The following AATK variants were observed in gnomAD, a reference collection of about 807,000 sequenced individuals.
AATK encodes lemur tail kinase 1.
AATK carries 91 observed loss-of-function variants against 114.3 expected under a neutral mutation model. The ratio of observed to expected loss-of-function variants is 0.80; its 90% CI spans 0.67 to 0.95. The LOEUF is 0.95. Ranked by LOEUF, AATK falls within the 40% of genes least tolerant of loss-of-function variation. The pLI, the probability that AATK is intolerant of heterozygous loss-of-function variation, is 0.00. For missense variants in AATK, 2,176 were observed against 1,965.2 expected (o/e 1.11, Z -2.03); for synonymous variants, 1,075 against 916.5 (o/e 1.17, Z -3.12).
chr17:81,124,694 G>C, intron 9 of AATK, 33 bp downstream of exon 9: 1 of 1,603,252 alleles, frequency 6.2e-7, no homozygotes, highest in South Asian at 1.1e-5. Context: ...ACTCGGCCTC[G>C]GCCCCTCACG....
chr17:81,132,771 C>T, intron 2 of AATK: 1 of 231,288 alleles, frequency 4.3e-6, no homozygotes, highest in Non-Finnish European at 9.2e-6. Flanking sequence ...ACCAGGGAGC[C>T]CAGCGCAGGT....
chr17:81,138,464 C>CAG (rs1491366633), intron 1 of AATK, among the ~76,000 whole-genome samples: 2 of 135,670 alleles, frequency 1.5e-5, no homozygotes, highest in African/African-American at 2.7e-5. Flanking sequence ...TGCACACACA[C>CAG]CCACCCACAT....
chr17:81,152,913 G>T (rs560880179), intron 1 of AATK, among the ~76,000 whole-genome samples: 64 of 151,534 alleles, frequency 4.2e-4, no homozygotes, highest in African/African-American at 1.4e-3. Flanking sequence ...TGTGATCTCG[G>T]TTCACTGAAA....
At chr17:81,165,718 C>CG (rs1303286695) in intron 1 of AATK, 3 of 1,521,386 alleles carry the variant, frequency 2.0e-6, no homozygotes, top group African/African-American at 1.4e-5. Context: ...CACGACCACG[C>CG]GGGGGACGCC....
At chr17:81,127,241 G>A (rs1415389284) in intron 6 of AATK, among the ~76,000 whole-genome samples, 1 of 151,814 alleles carries the variant, frequency 6.6e-6, no homozygotes, top group Non-Finnish European at 1.5e-5. Context: ...GCCTGAGTGA[G>A]GCCGTGGAGC....
chr17:81,140,652 G>GT (rs200676945), intron 1 of AATK, among the ~76,000 whole-genome samples: 46 of 147,028 alleles, frequency 3.1e-4, no homozygotes, highest in South Asian at 6.4e-4. Flanking sequence ...CCGTGGGGCC[G>GT]GGGGACCGTG....
chr17:81,132,802 C>G (rs998570231), intron 2 of AATK: 10 of 221,840 alleles, frequency 4.5e-5, no homozygotes, highest in Non-Finnish European at 2.9e-5. Flanking sequence ...CAGGAGGGAG[C>G]CCAGTGTGGA....
Position 81,119,964 on chromosome 17 carries a change from G to A in AATK, c.3855C>T (p.Gly1285=). 6.9e-7 allele frequency: 1 copy of A among 1,450,718 alleles called. No homozygotes were observed. Among genetic ancestry groups the A allele is most frequent in the Non-Finnish European group, 9.1e-7 (1 of 1,103,100 alleles). 89.9% of individuals were successfully genotyped at this position (1,450,718 alleles called of 1,614,324 possible). A position where few individuals can be genotyped will look rare whatever the true frequency, so the allele number is the denominator to read the frequency against. The change falls in exon 12 of 14, where the codon GGC becomes GGT. Residue 1285 remains glycine, a synonymous_variant. Coordinates refer to ENST00000326724, the MANE Select transcript of AATK (RefSeq NM_001080395.3). ...CTTCCGCTGTGGAGCCATTTGGGGAGCCATCAGCCTGCTGCGGCCGGTTGG... is the reference window on the plus strand; with the variant it reads ...CTTCCGCTGTGGAGCCATTTGGGGAACCATCAGCCTGCTGCGGCCGGTTGG... The part of the protein sequence containing the change: ...SAPNRPQQAD[G]SPNGSTAEEG...
At chr17:81,156,280 G>A (rs1206664243) in intron 1 of AATK, among the ~76,000 whole-genome samples, 5 of 150,952 alleles carry the variant, frequency 3.3e-5, no homozygotes, top group Admixed American at 2.6e-4. Context: ...ATGTTACTAT[G>A]TTACAATGTA....
intron 3 of AATK, 45 bp downstream of exon 3, chr17:81,131,010 AGCACCT>A (rs2146325147): frequency 6.5e-7 from 1 of 1,532,072 alleles, no homozygotes; most frequent in East Asian, 2.4e-5. Flanking sequence ...CCCAACGCCC[AGCACCT>A]GGGCCCCGGA....
At chr17:81,136,533 C>G (rs539980925) in intron 1 of AATK, among the ~76,000 whole-genome samples, 4 of 152,178 alleles carry the variant, frequency 2.6e-5, no homozygotes, top group South Asian at 2.1e-4. Context: ...TGGGCTCCCC[C>G]CAGCAGGACG....
In AATK at chr17:81,121,378, A is replaced by T. The variant is rs1427323303; in HGVS notation, c.2558T>A (p.Val853Glu). Residue 853 changes from valine (V) to glutamate (E), a missense_variant, in exon 11 of 14, where the codon GTG becomes GAG. Val to Glu is a moderately radical substitution (Grantham distance 121). Transcript: ENST00000326724. ...ALNGSSSSPE[V>E]EAPSSEDEDT... ...CTCATCCTCACTGCTGGGTGCCTCC[A>T]CCTCGGGAGAGCTGCTGCTGCCATT... 4.3e-6 allele frequency: 7 copies of T among 1,609,954 alleles called. No homozygotes were observed. Among genetic ancestry groups the T allele is most frequent in the Non-Finnish European group, 5.9e-6 (7 of 1,179,146 alleles).
At position 81,127,828 on chromosome 17, in the gene AATK, T is replaced by A; in HGVS notation, c.497A>T (p.Glu166Val). ...CACCTCCTCCAGGAACTGCATCTGC[T>A]CCTGCACGCTGGCACTAGCCTGCAG... ...KELQASASVQ[E>V]QMQFLEEVQP... Residue 166 changes from glutamate to valine, a missense_variant, in exon 5 of 14, where the codon GAG (glutamate) becomes GTG (valine). Glu to Val is a moderately radical substitution (Grantham distance 121). This residue lies in a region of AATK where 273 missense variants were observed against 344.1 expected (regional missense o/e 0.79). Transcript: ENST00000326724. 6.5e-7 allele frequency: 1 copy of A among 1,540,262 alleles called. No homozygotes were observed. The highest frequency in any genetic ancestry group is 8.8e-7 in the Non-Finnish European group (1 of 1,138,994).
At chr17:81,129,036 T>C (rs2060891143) in intron 3 of AATK, 1 of 513,408 alleles carries the variant, frequency 1.9e-6, no homozygotes, top group Non-Finnish European at 2.6e-6. Context: ...CACTGGCCCA[T>C]TCTCCCCGAG....
chr17:81,127,273 C>T (rs1400701299), intron 6 of AATK, among the ~76,000 whole-genome samples: 4 of 152,016 alleles, frequency 2.6e-5, no homozygotes, highest in South Asian at 2.1e-4. Flanking sequence ...AGTGCCCCCC[C>T]CCAGTTGGCC....
chr17:81,144,422 A>C (rs995527284), intron 1 of AATK, among the ~76,000 whole-genome samples: 1 of 152,202 alleles, frequency 6.6e-6, no homozygotes, highest in Non-Finnish European at 1.5e-5. Context: ...GGGTGGCCAC[A>C]TCATCAGGGA....
In AATK at chr17:81,162,756, C is replaced by T. The variant is rs575489355; in HGVS notation, c.55+3182G>A. 3.6e-4 allele frequency among the ~76,000 whole-genome samples: 55 copies of T among 152,300 alleles called. 1 individual carries two copies. Among genetic ancestry groups the T allele is most frequent in the Middle Eastern group, 3.4e-3 (1 of 294 alleles). ...CACTTCTCCCAGGAACCCCCCATGGCGCCTGGTTCAGGTCAGACACAGGGA... is the reference window on the plus strand; with the variant it reads ...CACTTCTCCCAGGAACCCCCCATGGTGCCTGGTTCAGGTCAGACACAGGGA... On this transcript the variant is annotated intron_variant, in intron 1 of 13. Coordinates refer to ENST00000326724, the MANE Select transcript of AATK (RefSeq NM_001080395.3).
intron 1 of AATK, among the ~76,000 whole-genome samples, chr17:81,144,147 C>A (rs1269680803): frequency 1.3e-5 from 2 of 152,228 alleles, no homozygotes; most frequent in Non-Finnish European, 2.9e-5. Flanking sequence ...GGCTCACTCC[C>A]CTCCCCGAGG....
In AATK at chr17:81,120,959, G is replaced by A; in HGVS notation, c.2977C>T (p.Arg993Ter). 6.2e-7 allele frequency: 1 copy of A among 1,609,444 alleles called. No homozygotes were observed. Among genetic ancestry groups the A allele is most frequent in the Non-Finnish European group, 8.5e-7 (1 of 1,178,596 alleles). Residue 993 changes from arginine to a stop codon, truncating the protein, a stop_gained, in exon 11 of 14, where the codon CGA becomes TGA. Coordinates refer to ENST00000326724, the MANE Select transcript of AATK (RefSeq NM_001080395.3). LOFTEE classifies it high-confidence loss of function. The part of the protein sequence containing the change: ...LSGLNEKNPY[R>*]DSAYFSDLEA... ...AGGTCTGAGAAGTAGGCAGAGTCTC[G>A]GTAGGGATTCTTCTCGTTGAGGCCA...
Sources: gnomAD v4.1 joint callset for allele counts (sites outside exome capture counted in the v4.1 genomes callset) on GRCh38, gnomAD v4.1.1 for gene constraint, gnomAD v4.1.1 regional missense constraint, MANE v1.5 for transcripts, NCBI Gene and HGNC (gene_info 2026-07-23, HGNC 2026-07-21) for gene names.